The following PTH2R variants were observed in gnomAD, a reference collection of about 807,000 sequenced individuals.
PTH2R encodes parathyroid hormone 2 receptor.
Under a neutral mutation model 60.3 loss-of-function variants are expected in PTH2R, and 59 were observed. The observed-to-expected ratio is 0.98, with a 90% CI of 0.79 to 1.22. The LOEUF is 1.22. Among genes scored for constraint, PTH2R ranks in the 50% most tolerant of loss-of-function variants. The pLI, the probability that PTH2R is intolerant of heterozygous loss-of-function variation, is 0.00. For missense variants in PTH2R, 749 were observed against 682.6 expected (o/e 1.10, Z -1.08); for synonymous variants, 256 against 243.8 (o/e 1.05, Z -0.47).
chr2:208,394,849 A>G (rs184536457), intron 1 of PTH2R, among the ~76,000 whole-genome samples: 22 of 152,240 alleles, frequency 1.4e-4, no homozygotes, highest in South Asian at 4.1e-4. Context: ...AATTAATACT[A>G]TTATTAAGTA....
upstream of PTH2R, among the ~76,000 whole-genome samples, chr2:208,406,621 G>C (rs1035902871): frequency 2.0e-5 from 3 of 152,176 alleles, no homozygotes; most frequent in Non-Finnish European, 4.4e-5. Context: ...TGCGAATCGG[G>C]GGTGGCGGCA....
intron 1 of PTH2R, among the ~76,000 whole-genome samples, chr2:208,416,962 C>T (rs140809196): frequency 0.028 from 4,251 of 152,156 alleles, 187 homozygotes; most frequent in African/African-American, 0.096. Context: ...ATAAACTCCC[C>T]TTTATATATA....
At chr2:208,384,238 G>A (rs1260519764) in intron 1 of PTH2R, among the ~76,000 whole-genome samples, 2 of 152,166 alleles carry the variant, frequency 1.3e-5, no homozygotes, top group African/African-American at 4.8e-5. Flanking sequence ...GGTTTGGATT[G>A]GTAGAAAGAG....
Position 208,407,118 on chromosome 2 carries a change from G to C in PTH2R, c.75G>C (p.Gln25His). The part of the protein sequence containing the change: ...MLGSCLLARA[Q>H]LDSDGTITIE... ...GCAGCTGCCTCCTGGCCAGAGCCCA[G>C]GTAAGAGCCAGTGCTCCGCGACACC... Residue 25 changes from glutamine to histidine, a missense_variant and splice_region_variant, in exon 1 of 13, where the codon CAG (glutamine) becomes CAC (histidine). Gln to His is a conservative substitution (Grantham distance 24, BLOSUM62 0). Coordinates refer to ENST00000272847, the MANE Select transcript of PTH2R (RefSeq NM_005048.4). 7.1e-7 allele frequency: 1 copy of C among 1,402,458 alleles called. No individual in the cohort carries two copies. The highest frequency in any genetic ancestry group is 9.3e-7 in the Non-Finnish European group (1 of 1,071,684). 86.9% of individuals were successfully genotyped at this position (1,402,458 alleles called of 1,614,324 possible).
chr2:208,390,638 C>T lies in PTH2R; in HGVS notation c.-259+30401C>T, dbSNP rs536151624. On this transcript the variant is annotated intron_variant, in intron 1 of 12. Transcript: ENST00000617735. ...TGTTAGTAACCATTATTCCTGCTAT[C>T]AGGATAATAATTAAGCAAAATGCTA... is the stretch of plus-strand genomic sequence containing the variant. 6.6e-5 allele frequency among the ~76,000 whole-genome samples: 10 copies of T among 152,276 alleles called. No individual in the cohort carries two copies. In the South Asian group the frequency reaches 1.0e-3, roughly 16 times the overall value.
chr2:208,414,377 C>T (rs939541806), intron 1 of PTH2R, among the ~76,000 whole-genome samples: 1 of 151,994 alleles, frequency 6.6e-6, no homozygotes, highest in African/African-American at 2.4e-5. Context: ...TATCTGGTGA[C>T]AATAGTAGTT....
intron 9 of PTH2R, among the ~76,000 whole-genome samples, chr2:208,467,301 A>T (rs1211172981): frequency 1.3e-5 from 2 of 151,992 alleles, no homozygotes; most frequent in African/African-American, 4.8e-5. Flanking sequence ...GCTTTCTACT[A>T]TTGGGGAAAT....
At chr2:208,411,404 A>G (rs1190485081) in intron 1 of PTH2R, among the ~76,000 whole-genome samples, 2 of 152,224 alleles carry the variant, frequency 1.3e-5, no homozygotes, top group Non-Finnish European at 2.9e-5. Context: ...TCTTCTAGTT[A>G]TAAGGAAGCC....
intron 9 of PTH2R, among the ~76,000 whole-genome samples, chr2:208,467,420 C>T (rs1378173830): frequency 6.6e-6 from 1 of 152,166 alleles, no homozygotes; most frequent in Non-Finnish European, 1.5e-5. Flanking sequence ...GTGGTGTGCA[C>T]TACACGCAAT....
chr2:208,396,869 C>T (rs548971358), intron 1 of PTH2R, among the ~76,000 whole-genome samples: 22 of 152,184 alleles, frequency 1.4e-4, no homozygotes, highest in Non-Finnish European at 2.4e-4. Flanking sequence ...ATGTTTATTG[C>T]GGCACTATTC....
chr2:208,471,713 G>A (rs1254941055), intron 9 of PTH2R, among the ~76,000 whole-genome samples: 1 of 152,226 alleles, frequency 6.6e-6, no homozygotes, highest in Non-Finnish European at 1.5e-5. Context: ...GTCCCTAATG[G>A]GGCACTGCCT....
chr2:208,404,012 A>G (rs1701355167), upstream of PTH2R, among the ~76,000 whole-genome samples: 1 of 152,208 alleles, frequency 6.6e-6, no homozygotes, highest in Admixed American at 6.5e-5. Flanking sequence ...CATAGAGCCC[A>G]TAATCATGGG....
intron 1 of PTH2R, among the ~76,000 whole-genome samples, chr2:208,398,062 A>C (rs573906302): frequency 6.6e-6 from 1 of 152,340 alleles, no homozygotes; most frequent in East Asian, 1.9e-4. Context: ...ATGAAACTTA[A>C]AACTAAAATC....
chr2:208,377,741 C>T lies in PTH2R; in HGVS notation c.-259+17504C>T, dbSNP rs572171865. Among the ~76,000 whole-genome samples the T allele has an allele frequency of 7.9e-3, 1,158 of 146,134 alleles. 17 individuals carry two copies. Among genetic ancestry groups the T allele is most frequent in the African/African-American group, 0.023 (919 of 39,126 alleles). On this transcript the variant is annotated intron_variant, in intron 1 of 12. Transcript: ENST00000617735. ...GCTCCTCACCTCCCAGACGGGGTCG[C>T]GGCTGGGCAGAGGCGCTCCTCACAT...
chr2:208,440,026 T>C (rs1185838168), intron 4 of PTH2R, among the ~76,000 whole-genome samples: 3 of 152,226 alleles, frequency 2.0e-5, no homozygotes, highest in Admixed American at 6.5e-5. Context: ...ATAAAGAGTT[T>C]GCAGCCTTGG....
At chr2:208,361,972 T>C (rs1405528332) in intron 1 of PTH2R, among the ~76,000 whole-genome samples, 5 of 152,150 alleles carry the variant, frequency 3.3e-5, no homozygotes, top group Admixed American at 6.5e-5. Flanking sequence ...AGCATTTGAA[T>C]TGGCAGGCTG....
At chr2:208,463,353 C>T (rs138267945) in intron 9 of PTH2R, among the ~76,000 whole-genome samples, 529 of 152,176 alleles carry the variant, frequency 3.5e-3, no homozygotes, top group Admixed American at 6.5e-3. Flanking sequence ...TCCCAGCTTA[C>T]GGACAACCTC....
At position 208,493,834 on chromosome 2, in the gene PTH2R, C is replaced by A; in HGVS notation, c.*175C>A. 1 of 584,022 alleles carries A rather than the reference C, an allele frequency of 1.7e-6. No homozygotes were observed. The highest frequency in any genetic ancestry group is 2.7e-6 in the Non-Finnish European group (1 of 365,408). 36.2% of individuals were successfully genotyped at this position (584,022 alleles called of 1,614,324 possible). On this transcript the variant is annotated 3_prime_UTR_variant, in exon 13 of 13. Coordinates refer to ENST00000272847, the MANE Select transcript of PTH2R (RefSeq NM_005048.4). ...TGTAAATACTAACGACATGAAAATG[C>A]AAGTGTCAATGGAGTAGTTTATTAC...
chr2:208,457,502 G>T (rs1238660373), intron 8 of PTH2R, among the ~76,000 whole-genome samples: 3 of 152,208 alleles, frequency 2.0e-5, no homozygotes, highest in Admixed American at 6.5e-5. Context: ...GAGCTCTATT[G>T]GTACAGATAT....
Sources: gnomAD v4.1 joint callset for allele counts (sites outside exome capture counted in the v4.1 genomes callset) on GRCh38, gnomAD v4.1.1 for gene constraint, MANE v1.5 for transcripts, NCBI Gene and HGNC (gene_info 2026-07-23, HGNC 2026-07-21) for gene names.